Variants in SLC22A11 observed in about 807,000 individuals in gnomAD.
SLC22A11 encodes organic anion transporter 4.
In SLC22A11, 42 loss-of-function variants were observed where a neutral mutation model predicts 49.4. The observed-to-expected ratio is 0.85, with a 90% CI of 0.66 to 1.10. SLC22A11 has a LOEUF of 1.10. Ranked by LOEUF, SLC22A11 falls within the 50% of genes least tolerant of loss-of-function variation. SLC22A11 has a pLI of 0.00. For missense variants in SLC22A11, 685 were observed against 731.6 expected (o/e 0.94, Z 0.74); for synonymous variants, 304 against 315.8 (o/e 0.96, Z 0.40).
At position 64,565,221 on chromosome 11, in the gene SLC22A11, G is replaced by C; in HGVS notation, c.943-1G>C. On this transcript the variant is annotated splice_acceptor_variant, in intron 5 of 9. Coordinates refer to ENST00000301891, the MANE Select transcript of SLC22A11 (RefSeq NM_018484.4). LOFTEE classifies it high-confidence loss of function. This position sits in a 1 kb window ranked among gnomAD's most constrained non-coding sequence, Gnocchi z 4.1. ...CACGGTGCCCCCATTCTCCCCGGAAGGTGCTGATGTCCAGCGTGAAGGAGG... is the reference window on the plus strand; with the variant it reads ...CACGGTGCCCCCATTCTCCCCGGAACGTGCTGATGTCCAGCGTGAAGGAGG... 3 of 1,532,822 alleles carry C rather than the reference G, an allele frequency of 2.0e-6. No homozygotes were observed. Among genetic ancestry groups the C allele is most frequent in the Non-Finnish European group, 2.6e-6 (3 of 1,135,248 alleles). 95.0% of individuals were successfully genotyped at this position (1,532,822 alleles called of 1,614,324 possible). A position where few individuals can be genotyped will look rare whatever the true frequency, so the allele number is the denominator to read the frequency against.
Position 64,567,729 on chromosome 11 carries a change from A to G in SLC22A11, c.1189A>G (p.Ser397Gly). The change falls in exon 7 of 10, where the codon AGT (serine) becomes GGT (glycine). Residue 397 changes from serine to glycine, a missense_variant. Ser to Gly is a moderately conservative substitution (Grantham distance 56, BLOSUM62 0). Coordinates refer to ENST00000301891, the MANE Select transcript of SLC22A11 (RefSeq NM_018484.4). ...CCGGGCCACCACTGCCCTCTTGCTC[A>G]GTTTCCTTGGCCGCCGCACCATCCA... ...LGRATTALLL[S>G]FLGRRTIQAG... 6.2e-7 allele frequency: 1 copy of G among 1,613,482 alleles called. No homozygotes were observed. The highest frequency in any genetic ancestry group is 8.5e-7 in the Non-Finnish European group (1 of 1,179,936).
Position 64,565,523 on chromosome 11 carries a change from C to T in SLC22A11, c.1058+186C>T. 4.5e-6 allele frequency: 3 copies of T among 664,730 alleles called. No individual in the cohort carries two copies. Among genetic ancestry groups the T allele is most frequent in the Non-Finnish European group, 8.3e-6 (3 of 361,764 alleles). 41.2% of individuals were successfully genotyped at this position (664,730 alleles called of 1,614,324 possible). ...AGTCCTGGCAGGCAGCAGAGAGGGACTATGCACAGGTGGGATCTGGAGGCT... is the reference window on the plus strand; with the variant it reads ...AGTCCTGGCAGGCAGCAGAGAGGGATTATGCACAGGTGGGATCTGGAGGCT... On this transcript the variant is annotated intron_variant, in intron 6 of 9. Coordinates refer to ENST00000301891, the MANE Select transcript of SLC22A11 (RefSeq NM_018484.4). This position sits in a 1 kb window ranked among gnomAD's most constrained non-coding sequence, Gnocchi z 4.1.
intron 2 of SLC22A11, among the ~76,000 whole-genome samples, chr11:64,561,584 G>A (rs773023602): frequency 3.9e-5 from 6 of 151,972 alleles, no homozygotes; most frequent in Non-Finnish European, 7.4e-5. Context: ...AAGTAGCTGG[G>A]ACCGCAGACA....
At position 64,565,514 on chromosome 11, in the gene SLC22A11, A is replaced by G. The variant is rs1473840187; in HGVS notation, c.1058+177A>G. The G allele has an allele frequency of 1.5e-6, 1 of 672,468 alleles. No individual in the cohort carries two copies. The highest frequency in any genetic ancestry group is 2.7e-6 in the Non-Finnish European group (1 of 367,168). The allele number at this position is 672,468 out of a possible 1,614,324, so 41.7% of individuals were successfully genotyped here. ...GCAGGCAGGAGTCCTGGCAGGCAGC[A>G]GAGAGGGACTATGCACAGGTGGGAT... On this transcript the variant is annotated intron_variant, in intron 6 of 9. Transcript: ENST00000301891. This position sits in a 1 kb window ranked among gnomAD's most constrained non-coding sequence, Gnocchi z 4.1.
In SLC22A11 at chr11:64,565,122, G is replaced by C; in HGVS notation, c.943-100G>C. Reference sequence around the variant, plus strand: ...TTCCAGAGGCCGAGGCCCAGGACAGGCTCCCCGTCACTCTGGCCACTTGGA... The same window carrying C: ...TTCCAGAGGCCGAGGCCCAGGACAGCCTCCCCGTCACTCTGGCCACTTGGA... On this transcript the variant is annotated intron_variant, in intron 5 of 9. Transcript: ENST00000301891. This position sits in a 1 kb window ranked among gnomAD's most constrained non-coding sequence, Gnocchi z 4.1. 1 of 924,256 alleles carries C rather than the reference G, an allele frequency of 1.1e-6. No homozygotes were observed. The highest frequency in any genetic ancestry group is 1.6e-6 in the Non-Finnish European group (1 of 617,624). The allele number at this position is 924,256 out of a possible 1,614,324, so 57.3% of individuals were successfully genotyped here.
Position 64,565,880 on chromosome 11 carries a change from T to C in SLC22A11, c.1058+543T>C. ...GCTAACACTTGGCTTACCGGCACTG[T>C]CACTGCCAGGGCCCGCGCGACCAGA... On this transcript the variant is annotated intron_variant, in intron 6 of 9. Transcript: ENST00000301891. The surrounding 1 kb of genome is among the most constrained non-coding windows in gnomAD (Gnocchi z 4.1). The C allele has an allele frequency of 4.3e-6, 1 of 234,298 alleles. No individual in the cohort carries two copies. The highest frequency in any genetic ancestry group is 8.7e-6 in the Non-Finnish European group (1 of 114,768). 14.5% of individuals were successfully genotyped at this position (234,298 alleles called of 1,614,324 possible).
Position 64,567,450 on chromosome 11 carries a change from G to T in SLC22A11, c.1059-149G>T, listed in dbSNP as rs929417418. On this transcript the variant is annotated intron_variant, in intron 6 of 9. Coordinates refer to ENST00000301891, the MANE Select transcript of SLC22A11 (RefSeq NM_018484.4). ...TGGGGTTGTGTCCTGAGTTTGGCAG[G>T]CTTCTGGGATCGCTGGCCGAGACAA... 14 of 729,740 alleles carry T rather than the reference G, an allele frequency of 1.9e-5. No homozygotes were observed. In the East Asian group the frequency reaches 3.2e-4, roughly 17 times the overall value. 45.2% of individuals were successfully genotyped at this position (729,740 alleles called of 1,614,324 possible).
chr11:64,562,055 G>A lies in SLC22A11; in HGVS notation c.549G>A (p.Ala183=), dbSNP rs35464738. The change falls in exon 3 of 10, where the codon GCG becomes GCA. Residue 183 remains alanine (A), a synonymous_variant. Coordinates refer to ENST00000301891, the MANE Select transcript of SLC22A11 (RefSeq NM_018484.4). The surrounding 1 kb of genome is among the most constrained non-coding windows in gnomAD (Gnocchi z 4.4). ...LSWCCLQLAV[A]GTSTIFAPTF... Reference sequence around the variant, plus strand: ...GGTGCTGCCTGCAGTTGGCCGTGGCGGGCACCAGCACCATCTTCGCCCCAA... The same window carrying A: ...GGTGCTGCCTGCAGTTGGCCGTGGCAGGCACCAGCACCATCTTCGCCCCAA... The A allele has an allele frequency of 2.7e-4, 434 of 1,613,700 alleles. 2 individuals are homozygous for A. In the African/African-American group the frequency reaches 4.7e-3, roughly 18 times the overall value.
intron 2 of SLC22A11, 101 bp downstream of exon 2, chr11:64,559,339 C>A: frequency 2.3e-6 from 2 of 879,102 alleles, no homozygotes; most frequent in African/African-American, 1.8e-5. Context: ...CCCATCCCTG[C>A]TTCCGTCTCC....
intron 6 of SLC22A11, chr11:64,566,332 T>C (rs547005255): frequency 6.6e-6 from 1 of 152,298 alleles, no homozygotes; most frequent in African/African-American, 2.4e-5. Context: ...GTTTCTTTTA[T>C]GCTATATTTA....
chr11:64,569,875 C>A lies in SLC22A11; in HGVS notation c.1589+17C>A, dbSNP rs2038681660. 6.2e-7 allele frequency: 1 copy of A among 1,610,028 alleles called. No individual in the cohort carries two copies. Among genetic ancestry groups the A allele is most frequent in the Admixed American group, 1.7e-5 (1 of 59,988 alleles). On this transcript the variant is annotated intron_variant, in intron 9 of 9. Transcript: ENST00000301891. ...GGAGAGCCAGTGAGTGACCTGTGAT[C>A]CCTGGGCATCGGGCTGGGCTTCCTC...
chr11:64,557,229 G>C (rs2038475007), intron 1 of SLC22A11, among the ~76,000 whole-genome samples: 1 of 152,214 alleles, frequency 6.6e-6, no homozygotes. Flanking sequence ...TTTAATAACG[G>C]AGAAAAGGAA....
chr11:64,556,490 C>G, intron 1 of SLC22A11, 98 bp downstream of exon 1: 16 of 1,510,872 alleles, frequency 1.1e-5, no homozygotes, highest in Non-Finnish European at 1.4e-5. Flanking sequence ...TGGGAGGGAC[C>G]CGCCTCCTCT....
At chr11:64,558,017 C>T (rs1477911389) in intron 1 of SLC22A11, among the ~76,000 whole-genome samples, 2 of 152,104 alleles carry the variant, frequency 1.3e-5, no homozygotes, top group African/African-American at 2.4e-5. Context: ...AGGCTGGTCT[C>T]GAACTCCTGA....
chr11:64,559,322 C>A, intron 2 of SLC22A11, 84 bp downstream of exon 2: 3 of 1,104,670 alleles, frequency 2.7e-6, no homozygotes, highest in Non-Finnish European at 3.8e-6. Flanking sequence ...AAATGTCAGG[C>A]AAACACCCCA....
chr11:64,567,717 G>C lies in SLC22A11; in HGVS notation c.1177G>C (p.Ala393Pro), dbSNP rs1324815841. The change falls in exon 7 of 10, where the codon GCC becomes CCC. Residue 393 changes from alanine (A) to proline (P), a missense_variant. Ala to Pro is a conservative substitution (Grantham distance 27). Coordinates refer to ENST00000301891, the MANE Select transcript of SLC22A11 (RefSeq NM_018484.4). The stretch of plus-strand genomic sequence containing the variant: ...GGACTTCCTGGGCCGGGCCACCACT[G>C]CCCTCTTGCTCAGTTTCCTTGGCCG... ...AVDFLGRATT[A>P]LLLSFLGRRT... 6 of 1,613,656 alleles carry C rather than the reference G, an allele frequency of 3.7e-6. No homozygotes were observed. In the African/African-American group the frequency reaches 5.3e-5, roughly 14 times the overall value.
rs2038606028 is a variant in SLC22A11, at chr11:64,565,213, C to T, written c.943-9C>T. On this transcript the variant is annotated splice_polypyrimidine_tract_variant and intron_variant, in intron 5 of 9. Coordinates refer to ENST00000301891, the MANE Select transcript of SLC22A11 (RefSeq NM_018484.4). The surrounding 1 kb of genome is among the most constrained non-coding windows in gnomAD (Gnocchi z 4.1). ...CTACCATTCACGGTGCCCCCATTCT[C>T]CCCGGAAGGTGCTGATGTCCAGCGT... The T allele has an allele frequency of 6.6e-7, 1 of 1,525,208 alleles. No individual in the cohort carries two copies. Among genetic ancestry groups the T allele is most frequent in the Non-Finnish European group, 8.8e-7 (1 of 1,131,012 alleles). 94.5% of individuals were successfully genotyped at this position (1,525,208 alleles called of 1,614,324 possible).
Position 64,565,469 on chromosome 11 carries a change from A to T in SLC22A11, c.1058+132A>T. ...TCAAGGGGGTGCATTTCTGTCTGGG[A>T]CAGGACGCAGACAGCCCCAGCAGGC... On this transcript the variant is annotated intron_variant, in intron 6 of 9. Transcript: ENST00000301891. The surrounding 1 kb of genome is among the most constrained non-coding windows in gnomAD (Gnocchi z 4.1). The T allele has an allele frequency of 1.3e-6, 1 of 756,304 alleles. No individual in the cohort carries two copies. The highest frequency in any genetic ancestry group is 2.3e-6 in the Non-Finnish European group (1 of 437,888). 46.8% of individuals were successfully genotyped at this position (756,304 alleles called of 1,614,324 possible).
rs1565122750 is a variant in SLC22A11 at position 64,565,203 on chromosome 11, C to G, written c.943-19C>G. 1 of 1,505,022 alleles carries G rather than the reference C, an allele frequency of 6.6e-7. No individual in the cohort carries two copies. Among genetic ancestry groups the G allele is most frequent in the Non-Finnish European group, 9.0e-7 (1 of 1,116,402 alleles). 93.2% of individuals were successfully genotyped at this position (1,505,022 alleles called of 1,614,324 possible). A position where few individuals can be genotyped will look rare whatever the true frequency, so the allele number is the denominator to read the frequency against. On this transcript the variant is annotated intron_variant, in intron 5 of 9. Transcript: ENST00000301891. This position sits in a 1 kb window ranked among gnomAD's most constrained non-coding sequence, Gnocchi z 4.1. ...GGCCATTGCCCTACCATTCACGGTG[C>G]CCCCATTCTCCCCGGAAGGTGCTGA...
Sources: allele counts gnomAD v4.1 joint callset (sites outside exome capture counted in the v4.1 genomes callset), GRCh38; gene constraint gnomAD v4.1.1; non-coding constraint Gnocchi (gnomAD v3.1); transcripts MANE v1.5; gene names NCBI Gene and HGNC (gene_info 2026-07-23, HGNC 2026-07-21).